ZNF679: variants seen among roughly 807,000 people sequenced by gnomAD.
The protein encoded by ZNF679 is zinc finger protein 679, also known as hypothetical protein MGC42415.
In ZNF679, 10 loss-of-function variants were observed where a neutral mutation model predicts 13.4. The observed-to-expected ratio is 0.75, with a 90% CI of 0.46 to 1.27. The LOEUF is 1.27. Among genes scored for constraint, ZNF679 ranks in the 50% most tolerant of loss-of-function variants. The pLI is 0.00. For synonymous variants in ZNF679, 179 were observed against 162.5 expected (o/e 1.10, Z -0.77); for missense variants, 525 against 477.8 (o/e 1.10, Z -0.92).
rs553790682 is a variant in ZNF679 at position 64,242,964 on chromosome 7, G to T, written c.-90-6064G>T. ...ATGGCCAATATTCTAACTGTGTATT[G>T]TGTTGTCATATGAGAGTCAGGACCT... On this transcript the variant is annotated intron_variant, in intron 1 of 4. Transcript: ENST00000421025. Among the ~76,000 whole-genome samples the T allele has an allele frequency of 2.4e-4, 37 of 152,222 alleles. No homozygotes were observed. The East Asian group carries it at 6.8e-3, about 28-fold the overall frequency.
At chr7:64,237,322 A>T (rs973683368) in intron 1 of ZNF679, among the ~76,000 whole-genome samples, 2 of 152,200 alleles carry the variant, frequency 1.3e-5, no homozygotes, top group African/African-American at 4.8e-5. Flanking sequence ...GGAGGACTGT[A>T]GCTACATCAC....
intron 1 of ZNF679, among the ~76,000 whole-genome samples, chr7:64,231,716 T>A (rs968306978): frequency 6.6e-6 from 1 of 151,956 alleles, no homozygotes; most frequent in Non-Finnish European, 1.5e-5. Flanking sequence ...GGCCCAGAGA[T>A]ATGTAAAAAT....
intron 2 of ZNF679, among the ~76,000 whole-genome samples, chr7:64,255,891 G>A (rs1301874394): frequency 1.3e-5 from 2 of 152,122 alleles, no homozygotes; most frequent in African/African-American, 2.4e-5. Flanking sequence ...TTACAGGTGT[G>A]AGCCACCGCG....
intron 1 of ZNF679, among the ~76,000 whole-genome samples, chr7:64,236,939 AAG>A (rs1406631086): frequency 4.6e-5 from 2 of 43,832 alleles, no homozygotes; most frequent in Admixed American, 2.2e-4. Context: ...GAAAGAAAGA[AAG>A]AAAGAAAGAA....
intron 2 of ZNF679, among the ~76,000 whole-genome samples, chr7:64,252,837 C>T (rs1418714082): frequency 6.6e-6 from 1 of 152,214 alleles, no homozygotes; most frequent in African/African-American, 2.4e-5. Flanking sequence ...CTTGCCTCAG[C>T]CTCCCAGGTA....
intron 1 of ZNF679, among the ~76,000 whole-genome samples, chr7:64,231,176 G>T (rs1584222254): frequency 6.6e-6 from 1 of 152,304 alleles, no homozygotes; most frequent in East Asian, 1.9e-4. Context: ...CCAGTAGATT[G>T]CCTATTACCA....
intron 2 of ZNF679, among the ~76,000 whole-genome samples, chr7:64,253,338 A>G (rs947580309): frequency 2.6e-5 from 4 of 152,178 alleles, no homozygotes; most frequent in Non-Finnish European, 4.4e-5. Flanking sequence ...GCTAAGGGCA[A>G]TATTGAGTCT....
chr7:64,234,526 T>C (rs183025321), intron 1 of ZNF679, among the ~76,000 whole-genome samples: 17 of 152,282 alleles, frequency 1.1e-4, no homozygotes, highest in African/African-American at 3.8e-4. Context: ...ATCCCAGTCC[T>C]ACAACCATGA....
chr7:64,244,608 G>A (rs1268525600), intron 1 of ZNF679, among the ~76,000 whole-genome samples: 1 of 152,164 alleles, frequency 6.6e-6, no homozygotes, highest in Non-Finnish European at 1.5e-5. Context: ...AATCTTCAAA[G>A]TAGCTCAGAG....
intron 1 of ZNF679, among the ~76,000 whole-genome samples, chr7:64,236,089 A>C: frequency 6.6e-6 from 1 of 152,088 alleles, no homozygotes; most frequent in East Asian, 2.0e-4. Context: ...ACATGGTGAA[A>C]CCCTGTCTCT....
chr7:64,231,685 G>C (rs1787641256), intron 1 of ZNF679, among the ~76,000 whole-genome samples: 1 of 152,164 alleles, frequency 6.6e-6, no homozygotes, highest in African/African-American at 2.4e-5. Context: ...AAGAAAGGGA[G>C]AGTCACATCA....
intron 1 of ZNF679, among the ~76,000 whole-genome samples, chr7:64,242,472 T>A (rs576727701): frequency 6.6e-6 from 1 of 152,254 alleles, no homozygotes; most frequent in South Asian, 2.1e-4. Flanking sequence ...CTCTCCAATC[T>A]TTAGGTCCAG....
At chr7:64,248,028 T>G (rs1441921534) in intron 1 of ZNF679, among the ~76,000 whole-genome samples, 3 of 152,228 alleles carry the variant, frequency 2.0e-5, no homozygotes, top group Non-Finnish European at 4.4e-5. Context: ...ACTTTTTTTT[T>G]AAGTGGTTTA....
intron 1 of ZNF679, among the ~76,000 whole-genome samples, chr7:64,241,700 A>C (rs1584227769): frequency 6.6e-6 from 1 of 152,350 alleles, no homozygotes; most frequent in East Asian, 1.9e-4. Context: ...ATAGGTCACA[A>C]TCCCAACTAA....
In ZNF679 at chr7:64,236,921, AG is replaced by A. The variant is rs199528807; in HGVS notation, c.-91+8270del. Among the ~76,000 whole-genome samples the A allele has an allele frequency of 5.5e-4, 62 of 112,058 alleles. No homozygotes were observed. The East Asian group carries it at 0.014, about 26-fold the overall frequency. 73.5% of individuals were successfully genotyped at this position (112,058 alleles called of 152,430 possible). ...GAAAAAGAAAAAAAGAAAGAAAGAA[AG>A]AAGAAAGAAAGAAAGAAAGAAAGAA... On this transcript the variant is annotated intron_variant, in intron 1 of 4. Transcript: ENST00000421025.
chr7:64,248,805 G>C (rs1584231851), intron 1 of ZNF679, among the ~76,000 whole-genome samples: 1 of 152,302 alleles, frequency 6.6e-6, no homozygotes, highest in East Asian at 1.9e-4. Flanking sequence ...GCTCAGATCA[G>C]GGAAGAAGGC....
intron 4 of ZNF679, among the ~76,000 whole-genome samples, chr7:64,263,231 A>G (rs1434616687): frequency 1.3e-5 from 2 of 152,030 alleles, no homozygotes; most frequent in Non-Finnish European, 2.9e-5. Flanking sequence ...GGCTGACATT[A>G]CAGACATACC....
intron 1 of ZNF679, among the ~76,000 whole-genome samples, chr7:64,238,687 C>T (rs1787757292): frequency 6.6e-6 from 1 of 152,140 alleles, no homozygotes; most frequent in Admixed American, 6.5e-5. Flanking sequence ...TGTGCCCAGC[C>T]ACAACACTAC....
At chr7:64,243,068 C>A (rs1439333729) in intron 1 of ZNF679, among the ~76,000 whole-genome samples, 1 of 152,164 alleles carries the variant, frequency 6.6e-6, no homozygotes, top group Non-Finnish European at 1.5e-5. Context: ...CACAATTTTA[C>A]TTCTGTGCTG....
Sources: gnomAD v4.1 joint callset for allele counts (sites outside exome capture counted in the v4.1 genomes callset) on GRCh38, gnomAD v4.1.1 for gene constraint, MANE v1.5 for transcripts, NCBI Gene and HGNC (gene_info 2026-07-23, HGNC 2026-07-21) for gene names.